Variants in RYR2 observed in about 807,000 individuals in gnomAD.
The protein encoded by RYR2 is cardiac muscle ryanodine receptor-calcium release channel.
RYR2 carries 227 observed loss-of-function variants against 601.1 expected under a neutral mutation model. The observed-to-expected ratio is 0.38, with a 90% CI of 0.34 to 0.42. The LOEUF is 0.42. RYR2 is among the 10% of genes least tolerant of loss of function. The probability of loss-of-function intolerance (pLI) is 1.00; values close to 1 mark genes in which losing one functional copy is unlikely to be tolerated. For missense variants in RYR2, 4,646 were observed against 6,156.5 expected (o/e 0.75, Z 8.21); for synonymous variants, 2,223 against 2,175.1 (o/e 1.02, Z -0.61).
intron 12 of RYR2, among the ~76,000 whole-genome samples, chr1:237,424,107 G>T (rs1038543609): frequency 2.0e-5 from 3 of 152,132 alleles, no homozygotes; most frequent in African/African-American, 4.8e-5. Context: ...ATCCAGTCAC[G>T]TCTTTCCCTC....
chr1:237,660,830 G>A lies in RYR2; in HGVS notation c.8319G>A (p.Trp2773Ter). 5 of 1,543,378 alleles carry A rather than the reference G, an allele frequency of 3.2e-6. No homozygotes were observed. The highest frequency in any genetic ancestry group is 4.4e-6 in the Non-Finnish European group (5 of 1,142,116). ...TCTAGGAAAAAGAAATTTATCGCTG[G>A]CCAATCAAAGAATCTTTAAAAACTA... ...LSEKEKEIYR[W>*]PIKESLKTML... The change falls in exon 56 of 105, where the codon TGG becomes TGA. Residue 2773 changes from tryptophan to a stop codon, truncating the protein, a stop_gained. Coordinates refer to ENST00000366574, the MANE Select transcript of RYR2 (RefSeq NM_001035.3). LOFTEE classifies it high-confidence loss of function.
intron 71 of RYR2, among the ~76,000 whole-genome samples, chr1:237,716,964 C>A (rs542219352): frequency 1.3e-5 from 2 of 152,060 alleles, no homozygotes; most frequent in South Asian, 2.1e-4. Context: ...CTAAAAATTA[C>A]GTGGGAATGC....
At chr1:237,469,560 A>G (rs1339063780) in intron 17 of RYR2, among the ~76,000 whole-genome samples, 1 of 152,182 alleles carries the variant, frequency 6.6e-6, no homozygotes, top group African/African-American at 2.4e-5. Context: ...TCATCTAACA[A>G]TATCATGTCC....
chr1:237,336,053 A>G (rs976531003), intron 3 of RYR2, among the ~76,000 whole-genome samples: 5 of 152,162 alleles, frequency 3.3e-5, no homozygotes, highest in South Asian at 4.1e-4. Flanking sequence ...GTCATCAATG[A>G]GTTTACAACT....
intron 35 of RYR2, among the ~76,000 whole-genome samples, chr1:237,606,097 C>A (rs1223492534): frequency 6.6e-6 from 1 of 151,570 alleles, no homozygotes; most frequent in Non-Finnish European, 1.5e-5. Context: ...CAAAAAAGAG[C>A]CTGCATTGCC....
At chr1:237,496,422 A>G in intron 19 of RYR2, 89 bp from the exon 20 acceptor site, 1 of 1,542,938 alleles carries the variant, frequency 6.5e-7, no homozygotes, top group Admixed American at 1.8e-5. Context: ...AAATTAAATG[A>G]AATACACAAG....
intron 1 of RYR2, among the ~76,000 whole-genome samples, chr1:237,210,847 C>T (rs1052708427): frequency 2.6e-5 from 4 of 152,166 alleles, no homozygotes; most frequent in Admixed American, 1.3e-4. Flanking sequence ...GGTGATTCCT[C>T]AGGGATTGAT....
intron 20 of RYR2, 85 bp from the exon 21 acceptor site, chr1:237,500,626 A>T: frequency 8.4e-7 from 1 of 1,184,122 alleles, no homozygotes; most frequent in Non-Finnish European, 1.2e-6. Context: ...GTCACTACTT[A>T]TTCAAATCTT....
intron 14 of RYR2, among the ~76,000 whole-genome samples, chr1:237,452,081 G>GTGTGTGTGTT (rs1658223005): frequency 2.0e-5 from 2 of 102,184 alleles, no homozygotes; most frequent in East Asian, 9.8e-4. Flanking sequence ...AAAATTTTGT[G>GTGTGTGTGTT]TGTGTGTGTG....
At position 237,511,774 on chromosome 1, in the gene RYR2, G is replaced by C. The variant is rs727505044; in HGVS notation, c.2805G>C (p.Met935Ile). 6.8e-7 allele frequency: 1 copy of C among 1,479,256 alleles called. No homozygotes were observed. The highest frequency in any genetic ancestry group is 1.4e-5 in the African/African-American group (1 of 71,092). The allele number at this position is 1,479,256 out of a possible 1,614,324, so 91.6% of individuals were successfully genotyped here. The stretch of plus-strand genomic sequence containing the variant: ...AGGAGCGCAATTACAACTTACAAAT[G>C]TCGCTTGAGACCCTGAAGTGAGTTT... Reference protein sequence around the residue: ...PEQERNYNLQMSLETLKTLLA... With the variant: ...PEQERNYNLQISLETLKTLLA... The change falls in exon 24 of 105, where the codon ATG becomes ATC. Residue 935 changes from methionine to isoleucine, a missense_variant. Met to Ile is a conservative substitution (Grantham distance 10). Coordinates refer to ENST00000366574, the MANE Select transcript of RYR2 (RefSeq NM_001035.3).
chr1:237,452,627 T>C (rs1658335570), intron 14 of RYR2, among the ~76,000 whole-genome samples: 1 of 149,530 alleles, frequency 6.7e-6, no homozygotes, highest in Admixed American at 6.7e-5. Context: ...TTGAAGTAGA[T>C]GAGAGAGGGG....
At chr1:237,752,544 A>G (rs1692620555) in intron 80 of RYR2, among the ~76,000 whole-genome samples, 2 of 152,148 alleles carry the variant, frequency 1.3e-5, no homozygotes, top group African/African-American at 4.8e-5. Flanking sequence ...CTGTGAGTCA[A>G]CTCTACAGAA....
chr1:237,641,677 G>A (rs1681565163), intron 47 of RYR2, among the ~76,000 whole-genome samples: 1 of 152,094 alleles, frequency 6.6e-6, no homozygotes, highest in East Asian at 1.9e-4. Flanking sequence ...GAGTAGCTGG[G>A]ACTACAGGCA....
Position 237,436,453 on chromosome 1 carries a change from C to CATTTTTTTTTTTTTTTTTTTTTTTTTTT in RYR2, c.1006-4866_1006-4865insATTTTTTTTTTTTTTTTTTTTTTTTTTT, listed in dbSNP as rs1491092540. 2.9e-4 allele frequency among the ~76,000 whole-genome samples: 16 copies of CATTTTTTTTTTTTTTTTTTTTTTTTTTT among 55,826 alleles called. 2 individuals carry two copies. Among genetic ancestry groups the CATTTTTTTTTTTTTTTTTTTTTTTTTTT allele is most frequent in the Non-Finnish European group, 4.7e-4 (15 of 32,034 alleles). The allele number at this position is 55,826 out of a possible 152,430, so 36.6% of individuals were successfully genotyped here. ...AAGCCGAGGGATAATGTGTGATTTT[C>CATTTTTTTTTTTTTTTTTTTTTTTTTTT]CTTTTTTTTTTTTTTTTTTTTTTTT... On this transcript the variant is annotated intron_variant, in intron 12 of 104. Coordinates refer to ENST00000366574, the MANE Select transcript of RYR2 (RefSeq NM_001035.3).
At chr1:237,084,322 C>T (rs2148417786) in intron 1 of RYR2, among the ~76,000 whole-genome samples, 1 of 152,226 alleles carries the variant, frequency 6.6e-6, no homozygotes, top group Admixed American at 6.5e-5. Flanking sequence ...AATGCTCCCG[C>T]TAATGTTATA....
At chr1:237,394,042 T>G (rs997876705) in intron 10 of RYR2, among the ~76,000 whole-genome samples, 2 of 152,190 alleles carry the variant, frequency 1.3e-5, no homozygotes, top group Non-Finnish European at 2.9e-5. Context: ...AAAATCAACA[T>G]TATACAAAAA....
chr1:237,642,423 G>GAAA (rs983931077), intron 47 of RYR2, among the ~76,000 whole-genome samples: 6 of 152,036 alleles, frequency 3.9e-5, no homozygotes, highest in African/African-American at 1.4e-4. Context: ...GGTGATTACT[G>GAAA]ACAACAACAA....
Position 237,213,937 on chromosome 1 carries a change from T to TTTA in RYR2, c.49-56559_49-56557dup, listed in dbSNP as rs1345752760. Among the ~76,000 whole-genome samples, 4 of 146,944 alleles carry TTTA rather than the reference T, an allele frequency of 2.7e-5. No individual in the cohort carries two copies. In the East Asian group the frequency reaches 7.9e-4, roughly 29 times the overall value. ...TTTCTTTTTTTTTTTTTTTTTTTTT[T>TTTA]TTAGACAGAGTCTTGAGCTGTCACC... On this transcript the variant is annotated intron_variant, in intron 1 of 104. Coordinates refer to ENST00000366574, the MANE Select transcript of RYR2 (RefSeq NM_001035.3).
intron 25 of RYR2, among the ~76,000 whole-genome samples, chr1:237,535,327 A>T (rs1249024008): frequency 6.6e-6 from 1 of 152,118 alleles, no homozygotes; most frequent in African/African-American, 2.4e-5. Flanking sequence ...TTTTGTTAGC[A>T]AACTTAGGAA....
Sources: allele counts gnomAD v4.1 joint callset (sites outside exome capture counted in the v4.1 genomes callset), GRCh38; gene constraint gnomAD v4.1.1; transcripts MANE v1.5; gene names NCBI Gene and HGNC (gene_info 2026-07-23, HGNC 2026-07-21).